Variants in MALT1 observed in about 807,000 individuals in gnomAD.
MALT1 encodes MALT1 paracaspase, also known as mucosa-associated lymphoid tissue lymphoma translocation protein 1.
A neutral mutation model predicts 85.5 loss-of-function variants in MALT1; 36 were observed. The ratio of observed to expected loss-of-function variants is 0.42; its 90% CI spans 0.32 to 0.56. The LOEUF (loss-of-function observed/expected upper bound fraction) is 0.56. MALT1 is among the 20% of genes least tolerant of loss of function. The probability of loss-of-function intolerance (pLI) is 0.10; values close to 1 mark genes in which losing one functional copy is unlikely to be tolerated. For missense variants in MALT1, 716 were observed against 981.6 expected (o/e 0.73, Z 3.62); for synonymous variants, 359 against 361.3 (o/e 0.99, Z 0.07).
rs1356821348 is a variant in MALT1 at position 58,671,699 on chromosome 18, G to T, written c.56G>T (p.Gly19Val). ...QALPPSAAPT[G>V]PLLAPPAGAT... ...CTGCCGCCCTCGGCCGCCCCCACGG[G>T]GCCGCTGCTCGCCCCTCCGGCCGGC... The change falls in exon 1 of 17, where the codon GGG becomes GTG. Residue 19 changes from glycine (G) to valine (V), a missense_variant. Gly to Val is a moderately radical substitution (Grantham distance 109). Around this residue, in one of 4 missense-constraint regions of MALT1, gnomAD observed 80 missense variants for 65.1 expected, o/e 1.23. Coordinates refer to ENST00000649217, the MANE Select transcript of MALT1 (RefSeq NM_006785.4). The T allele has an allele frequency of 1.3e-5, 17 of 1,262,462 alleles. No homozygotes were observed. The highest frequency in any genetic ancestry group is 1.4e-5 in the Non-Finnish European group (14 of 1,004,908). The allele number at this position is 1,262,462 out of a possible 1,614,324, so 78.2% of individuals were successfully genotyped here. A position where few individuals can be genotyped will look rare whatever the true frequency, so the allele number is the denominator to read the frequency against.
At chr18:58,691,187 T>A (rs537010544) in intron 2 of MALT1, 1 of 298,124 alleles carries the variant, frequency 3.4e-6, no homozygotes, top group South Asian at 2.8e-5. Context: ...TCCCCACTAC[T>A]GATCTTCAGG....
Position 58,735,345 on chromosome 18 carries a change from A to G in MALT1, c.1603+16A>G, listed in dbSNP as rs770522473. 9.4e-6 allele frequency: 15 copies of G among 1,587,352 alleles called. No homozygotes were observed. The African/African-American group carries it at 1.5e-4, about 16-fold the overall frequency. Reference sequence around the variant, plus strand: ...GTTGCAGAAGGTAAAATAAAAAATAAAGAGAAAAGTACTCAGAAAAAGGAG... The same window carrying G: ...GTTGCAGAAGGTAAAATAAAAAATAGAGAGAAAAGTACTCAGAAAAAGGAG... On this transcript the variant is annotated intron_variant, in intron 13 of 16. Coordinates refer to ENST00000649217, the MANE Select transcript of MALT1 (RefSeq NM_006785.4).
At chr18:58,746,644 G>T (rs1477165438) in intron 16 of MALT1, among the ~76,000 whole-genome samples, 1 of 151,952 alleles carries the variant, frequency 6.6e-6, no homozygotes, top group Non-Finnish European at 1.5e-5. Context: ...ATCTGATTCA[G>T]TTATATTTTC....
chr18:58,734,379 C>T lies in MALT1; in HGVS notation c.1473C>T (p.Ala491=), dbSNP rs1320185731. The T allele has an allele frequency of 1.2e-6, 2 of 1,609,624 alleles. No homozygotes were observed. The highest frequency in any genetic ancestry group is 2.2e-5 in the South Asian group (2 of 90,998). ...KVTANIVFGY[A]TCQGAEAFEI... ...CCGCCAATATTGTGTTTGGATATGCCACGTAAGAACATTTGATGTTTACGT... is the reference window on the plus strand; with the variant it reads ...CCGCCAATATTGTGTTTGGATATGCTACGTAAGAACATTTGATGTTTACGT... The change falls in exon 12 of 17, where the codon GCC becomes GCT. Residue 491 remains alanine (A), a splice_region_variant and synonymous_variant. Coordinates refer to ENST00000649217, the MANE Select transcript of MALT1 (RefSeq NM_006785.4).
At chr18:58,686,502 G>A (rs950335136) in intron 2 of MALT1, among the ~76,000 whole-genome samples, 7 of 152,182 alleles carry the variant, frequency 4.6e-5, no homozygotes, top group African/African-American at 1.7e-4. Context: ...CATTGTTGAT[G>A]TGGATCTCAT....
At chr18:58,711,068 A>T (rs1025522016) in intron 7 of MALT1, 115 bp downstream of exon 7, 2 of 577,960 alleles carry the variant, frequency 3.5e-6, no homozygotes, top group Non-Finnish European at 6.0e-6. Context: ...AGCTGTAAGA[A>T]ATGATTTTGA....
rs777036725 is a variant in MALT1, at chr18:58,723,090, G to C, written c.1061G>C (p.Arg354Pro). 2.5e-6 allele frequency: 4 copies of C among 1,613,388 alleles called. No homozygotes were observed. The highest frequency in any genetic ancestry group is 3.3e-5 in the Admixed American group (2 of 59,962). ...VALLIGNMNYREHPKLKAPLV... is the reference protein window; with the variant it reads ...VALLIGNMNYPEHPKLKAPLV... ...CTTTTGATAGGAAATATGAATTACCGGGAGCACCCCAAGCTCAAAGCTCCT... is the reference window on the plus strand; with the variant it reads ...CTTTTGATAGGAAATATGAATTACCCGGAGCACCCCAAGCTCAAAGCTCCT... The change falls in exon 10 of 17, where the codon CGG becomes CCG. Residue 354 changes from arginine (R) to proline (P), a missense_variant. Transcript: ENST00000649217.
At chr18:58,735,365 A>G in intron 13 of MALT1, 36 bp downstream of exon 13, 1 of 1,573,528 alleles carries the variant, frequency 6.4e-7, no homozygotes, top group East Asian at 2.2e-5. Flanking sequence ...TACTCAGAAA[A>G]AGGAGAGCAG....
chr18:58,733,139 G>T (rs2055175721), intron 10 of MALT1, among the ~76,000 whole-genome samples: 3 of 152,160 alleles, frequency 2.0e-5, no homozygotes, highest in African/African-American at 4.8e-5. Context: ...TCGAACCCCT[G>T]ACCTCAAGTG....
rs1379272814 is a variant in MALT1, at chr18:58,752,781, C to G, written c.*4939C>G. 6.6e-6 allele frequency: 1 copy of G among 152,194 alleles called. No homozygotes were observed. The highest frequency in any genetic ancestry group is 2.4e-5 in the African/African-American group (1 of 41,454). The allele number at this position is 152,194 out of a possible 1,614,324, so 9.4% of individuals were successfully genotyped here. On this transcript the variant is annotated 3_prime_UTR_variant, in exon 17 of 17. Transcript: ENST00000649217. ...TGCCACTGCACTCCAGCCTGGACGA[C>G]AGGGCAAGACGCTGTCTCAAAAATA...
chr18:58,691,167 C>G, intron 2 of MALT1: 1 of 262,720 alleles, frequency 3.8e-6, no homozygotes, highest in Non-Finnish European at 7.6e-6. Context: ...TCGAGGCCTT[C>G]TGTCCCCTCT....
intron 10 of MALT1, among the ~76,000 whole-genome samples, chr18:58,729,649 T>G (rs2055118809): frequency 6.6e-6 from 1 of 152,172 alleles, no homozygotes; most frequent in Non-Finnish European, 1.5e-5. Context: ...TCACTTAAAG[T>G]TGTTATATGG....
In MALT1 at chr18:58,748,117, T is replaced by C. The variant is rs2055396928; in HGVS notation, c.*275T>C. On this transcript the variant is annotated 3_prime_UTR_variant, in exon 17 of 17. Coordinates refer to ENST00000649217, the MANE Select transcript of MALT1 (RefSeq NM_006785.4). The stretch of plus-strand genomic sequence containing the variant: ...ATATGTATATAACAAAATATTTTCA[T>C]TGTGACCACTCTGAAGTAAGAGCAA... 2.6e-6 allele frequency: 1 copy of C among 379,956 alleles called. No individual in the cohort carries two copies. Among genetic ancestry groups the C allele is most frequent in the Non-Finnish European group, 4.8e-6 (1 of 208,112 alleles). The allele number at this position is 379,956 out of a possible 1,614,324, so 23.5% of individuals were successfully genotyped here.
chr18:58,741,905 A>C lies in MALT1; in HGVS notation c.1644A>C (p.Leu548=). 6.4e-7 allele frequency: 1 copy of C among 1,562,844 alleles called. No individual in the cohort carries two copies. Among genetic ancestry groups the C allele is most frequent in the Non-Finnish European group, 8.8e-7 (1 of 1,141,938 alleles). The change falls in exon 14 of 17, where the codon CTA becomes CTC. Residue 548 remains leucine, a synonymous_variant. Transcript: ENST00000649217. ...KCHLTKGKQA[L]EIRSSLSEKR... ...ACCTTACCAAAGGCAAACAGGCTCT[A>C]GAGATTCGAAGTAGTTTATCTGAGA...
rs149090178 is a variant in MALT1, at chr18:58,725,228, A to C, written c.1222+1977A>C. On this transcript the variant is annotated intron_variant, in intron 10 of 16. Transcript: ENST00000649217. ...TCCCAGCTACTCAAGAGGCTGAGACACAAGAATCGCTTGAACCCAGGAGGC... is the reference window on the plus strand; with the variant it reads ...TCCCAGCTACTCAAGAGGCTGAGACCCAAGAATCGCTTGAACCCAGGAGGC... Among the ~76,000 whole-genome samples the C allele has an allele frequency of 1.2e-3, 183 of 152,264 alleles. 3 individuals carry two copies. The highest frequency in any genetic ancestry group is 4.0e-3 in the African/African-American group (166 of 41,568).
intron 4 of MALT1, among the ~76,000 whole-genome samples, chr18:58,702,220 C>CAAAAAA (rs11380709): frequency 2.6e-5 from 3 of 114,612 alleles, no homozygotes; most frequent in East Asian, 2.6e-4. Context: ...AAAAAAAATG[C>CAAAAAA]AAAAAAAAAA....
chr18:58,744,110 C>T (rs974596653), intron 14 of MALT1, among the ~76,000 whole-genome samples: 1 of 151,952 alleles, frequency 6.6e-6, no homozygotes, highest in Admixed American at 6.6e-5. Flanking sequence ...TTTTTGATTG[C>T]CACAATAAAA....
At position 58,753,155 on chromosome 18, in the gene MALT1, TA is replaced by T. The variant is rs1474318082; in HGVS notation, c.*5316del. The T allele has an allele frequency of 6.6e-6, 1 of 152,216 alleles. No individual in the cohort carries two copies. The highest frequency in any genetic ancestry group is 1.5e-5 in the Non-Finnish European group (1 of 68,046). 9.4% of individuals were successfully genotyped at this position (152,216 alleles called of 1,614,324 possible). ...CCTTGTGCTTTAAATCTGGCATTCT[TA>T]AAGCTATACCTGTAGGCAGTATAGA... On this transcript the variant is annotated 3_prime_UTR_variant, in exon 17 of 17. Transcript: ENST00000649217.
chr18:58,747,769 G>A lies in MALT1; in HGVS notation c.2402G>A (p.Ser801Asn), dbSNP rs749020165. The A allele has an allele frequency of 6.2e-7, 1 of 1,614,010 alleles. No homozygotes were observed. Among genetic ancestry groups the A allele is most frequent in the African/African-American group, 1.3e-5 (1 of 74,922 alleles). Residue 801 changes from serine (S) to asparagine (N), a missense_variant, in exon 17 of 17, where the codon AGT (serine) becomes AAT (asparagine). By Grantham distance (46) the Ser-to-Asn change is conservative. Coordinates refer to ENST00000649217, the MANE Select transcript of MALT1 (RefSeq NM_006785.4). Reference protein sequence around the residue: ...AHHASCHFSRSNVPVETTDEI... With the variant: ...AHHASCHFSRNNVPVETTDEI... ...CATGCTTCATGTCATTTTAGTAGAA[G>A]TAATGTGCCAGTAGAGACAACTGAT...
Sources: allele counts gnomAD v4.1 joint callset (sites outside exome capture counted in the v4.1 genomes callset), GRCh38; gene constraint gnomAD v4.1.1; regional missense constraint gnomAD v4.1.1; transcripts MANE v1.5; gene names NCBI Gene and HGNC (gene_info 2026-07-23, HGNC 2026-07-21).